Variants in CDC42BPG observed in about 807,000 individuals in gnomAD.
The protein encoded by CDC42BPG is serine/threonine-protein kinase MRCK gamma.
CDC42BPG carries 157 observed loss-of-function variants against 192.2 expected under a neutral mutation model. The ratio of observed to expected loss-of-function variants is 0.82; its 90% CI spans 0.72 to 0.93. The LOEUF (loss-of-function observed/expected upper bound fraction) is 0.93. Ranked by LOEUF, CDC42BPG falls within the 40% of genes least tolerant of loss-of-function variation. The pLI, the probability that CDC42BPG is intolerant of heterozygous loss-of-function variation, is 0.00. For synonymous variants in CDC42BPG, 981 were observed against 918.5 expected (o/e 1.07, Z -1.23); for missense variants, 1,992 against 2,122.1 (o/e 0.94, Z 1.20).
chr11:64,825,608 G>C (rs1316569551), intron 36 of CDC42BPG, among the ~76,000 whole-genome samples: 1 of 152,198 alleles, frequency 6.6e-6, no homozygotes, highest in Non-Finnish European at 1.5e-5. Flanking sequence ...GCTCCAAGTG[G>C]CCTGGTGTGA....
intron 3 of CDC42BPG, 58 bp from the exon 4 acceptor site, chr11:64,840,706 C>T (rs66545225): frequency 6.9e-7 from 1 of 1,438,852 alleles, no homozygotes; most frequent in Non-Finnish European, 9.7e-7. Flanking sequence ...GGATGCCCCC[C>T]TTGCCAGCTC....
Position 64,824,465 on chromosome 11 carries a change from A to G in CDC42BPG, c.*8T>C, listed in dbSNP as rs545867021. On this transcript the variant is annotated 3_prime_UTR_variant, in exon 37 of 37. Transcript: ENST00000342711. The stretch of plus-strand genomic sequence containing the variant: ...CCCTGGGATTGGGGTGGGCCCTAAC[A>G]GAGGGCATCAAGGAGAGCTCTCCAA... 7.0e-6 allele frequency: 11 copies of G among 1,570,368 alleles called. No individual in the cohort carries two copies. The highest frequency in any genetic ancestry group is 6.7e-5 in the Admixed American group (4 of 59,972).
chr11:64,827,226 A>G (rs1279430520), intron 33 of CDC42BPG, 52 bp downstream of exon 33: 12 of 1,613,298 alleles, frequency 7.4e-6, no homozygotes, highest in Non-Finnish European at 1.0e-5. Context: ...CGACCCGTCC[A>G]CAAGCGGAGG....
Position 64,841,866 on chromosome 11 carries a change from GCA to G in CDC42BPG, c.197_198del (p.Leu66ProfsTer4). ...TTCAAGATCTCAAAGTCATCTCTCT[GCA>G]GACGCAGTTCTTTCACCTTTGATAC... ...PFVSKVKELRLQRDDFEILKV... is the reference protein window; with the variant it reads ...PFVSKVKELRXQRDDFEILKV... On this transcript the variant is annotated frameshift_variant, in exon 2 of 37. Coordinates refer to ENST00000342711, the MANE Select transcript of CDC42BPG (RefSeq NM_017525.3). LOFTEE classifies it high-confidence loss of function. 1 of 1,613,812 alleles carries G rather than the reference GCA, an allele frequency of 6.2e-7. No individual in the cohort carries two copies. The highest frequency in any genetic ancestry group is 8.5e-7 in the Non-Finnish European group (1 of 1,179,910).
In CDC42BPG at chr11:64,840,575, G is replaced by A. The variant is rs1389151110; in HGVS notation, c.410C>T (p.Ala137Val). 2 of 1,613,942 alleles carry A rather than the reference G, an allele frequency of 1.2e-6. No homozygotes were observed. The highest frequency in any genetic ancestry group is 1.7e-6 in the Non-Finnish European group (2 of 1,179,984). ...CACCAGGTACTCCTCGTCTTGGAAG[G>A]CATAGTGCAGAGTGGTCACCCAACG... ...DSRWVTTLHYAFQDEEYLYLV... is the reference protein window; with the variant it reads ...DSRWVTTLHYVFQDEEYLYLV... Residue 137 changes from alanine to valine, a missense_variant, in exon 4 of 37, where the codon GCC (alanine) becomes GTC (valine). Transcript: ENST00000342711.
intron 34 of CDC42BPG, 71 bp from the exon 35 acceptor site, chr11:64,826,865 G>C: frequency 6.9e-7 from 1 of 1,438,926 alleles, no homozygotes; most frequent in Non-Finnish European, 9.2e-7. Flanking sequence ...AGGCACAACA[G>C]ACCAGGACAA....
Position 64,841,617 on chromosome 11 carries a change from G to T in CDC42BPG, c.336+33C>A, listed in dbSNP as rs189074360. On this transcript the variant is annotated intron_variant, in intron 3 of 36. Coordinates refer to ENST00000342711, the MANE Select transcript of CDC42BPG (RefSeq NM_017525.3). ...ACACCTCCCCCACACCCATTTGTAG[G>T]GTGCCCAAGGGCCCCCCAGACTCCA... 229 of 1,589,976 alleles carry T rather than the reference G, an allele frequency of 1.4e-4. 1 individual carries two copies. In the East Asian group the frequency reaches 4.8e-3, roughly 34 times the overall value.
chr11:64,833,253 GC>G lies in CDC42BPG; in HGVS notation c.2708del (p.Gly903AlafsTer71). On this transcript the variant is annotated frameshift_variant, in exon 24 of 37. Coordinates refer to ENST00000342711, the MANE Select transcript of CDC42BPG (RefSeq NM_017525.3). LOFTEE classifies it high-confidence loss of function. ...CACCATCACAACCCAGGCCCTGGCG[GC>G]CCAGGCCCAGCATCAGCGAGGTGCA... ...LRCTSLMLGL[G>X]RQGLGCDACG... The G allele has an allele frequency of 1.3e-6, 2 of 1,548,874 alleles. No individual in the cohort carries two copies. Among genetic ancestry groups the G allele is most frequent in the African/African-American group, 2.7e-5 (2 of 73,144 alleles).
chr11:64,837,606 C>T (rs1245041511), intron 9 of CDC42BPG, among the ~76,000 whole-genome samples: 3 of 152,216 alleles, frequency 2.0e-5, no homozygotes, highest in Non-Finnish European at 4.4e-5. Context: ...GGATTACAGG[C>T]GCCCGCCACC....
At chr11:64,831,990 C>T (rs151232447) in intron 27 of CDC42BPG, among the ~76,000 whole-genome samples, 2 of 152,342 alleles carry the variant, frequency 1.3e-5, no homozygotes, top group African/African-American at 4.8e-5. Flanking sequence ...TCTGCTGAAG[C>T]CTGAGGGACG....
At chr11:64,832,990 TG>T (rs1942776002) in intron 24 of CDC42BPG, 31 bp from the exon 25 acceptor site, 2 of 1,504,886 alleles carry the variant, frequency 1.3e-6, no homozygotes, top group Non-Finnish European at 1.8e-6. Flanking sequence ...GTGGATGAGG[TG>T]AGGCTGGGAG....
Position 64,827,727 on chromosome 11 carries a change from C to T in CDC42BPG, c.4024G>A (p.Val1342Met). 1 of 1,613,426 alleles carries T rather than the reference C, an allele frequency of 6.2e-7. No homozygotes were observed. The highest frequency in any genetic ancestry group is 8.5e-7 in the Non-Finnish European group (1 of 1,179,680). ...GTCTGCACCCATTCTGCCCTCCTCA[C>T]GTCAAACACATCGATGGAGTTCTCG... ...FSENSIDVFD[V>M]RRAEWVQTVP... is the part of the protein sequence containing the mutation. The change falls in exon 31 of 37, where the codon GTG (valine) becomes ATG (methionine). Residue 1342 changes from valine (V) to methionine (M), a missense_variant. Around this residue, in one of 2 missense-constraint regions of CDC42BPG, gnomAD observed 1,656 missense variants for 1,844.3 expected, o/e 0.90. Transcript: ENST00000342711.
rs1942490119 is a variant in CDC42BPG at position 64,827,548 on chromosome 11, A to G, written c.4129T>C (p.Tyr1377His). Residue 1377 changes from tyrosine (Y) to histidine (H), a missense_variant, in exon 32 of 37, where the codon TAC (tyrosine) becomes CAC (histidine). Tyr to His is a moderately conservative substitution (Grantham distance 83). Coordinates refer to ENST00000342711, the MANE Select transcript of CDC42BPG (RefSeq NM_017525.3). ...LYGTEKVRLT[Y>H]LRNQLAEKDE... The stretch of plus-strand genomic sequence containing the variant: ...TCACCTGCCAGCTGGTTCCTGAGGT[A>G]GGTCAGGCGGACCTTCTCGGTGCCG... 2.5e-6 allele frequency: 4 copies of G among 1,612,652 alleles called. No homozygotes were observed. Among genetic ancestry groups the G allele is most frequent in the South Asian group, 1.1e-5 (1 of 90,994 alleles).
chr11:64,829,809 G>A lies in CDC42BPG; in HGVS notation c.3629C>T (p.Pro1210Leu), dbSNP rs754105785. Residue 1210 changes from proline (P) to leucine (L), a missense_variant, in exon 30 of 37, where the codon CCG becomes CTG. Physicochemically the swap from Pro to Leu is moderately conservative, Grantham distance 98. Around this residue, in one of 2 missense-constraint regions of CDC42BPG, gnomAD observed 1,656 missense variants for 1,844.3 expected, o/e 0.90. Coordinates refer to ENST00000342711, the MANE Select transcript of CDC42BPG (RefSeq NM_017525.3). ...KRQVLCYQLG[P>L]GPGPWQRRIR... ...GCGGCGCTGCCAGGGCCCAGGGCCC[G>A]GGCCCAGCTGGTAGCAGAGCACCTG... 1.2e-5 allele frequency: 19 copies of A among 1,604,090 alleles called. No homozygotes were observed. The highest frequency in any genetic ancestry group is 2.2e-5 in the East Asian group (1 of 44,758).
chr11:64,831,943 G>A (rs994992198), intron 27 of CDC42BPG, among the ~76,000 whole-genome samples: 11 of 152,376 alleles, frequency 7.2e-5, no homozygotes, highest in South Asian at 2.1e-4. Context: ...AACCGGGGCC[G>A]GGAAGTGAAG....
Position 64,840,649 on chromosome 11 carries a change from C to T in CDC42BPG, c.337-1G>A. 6.2e-7 allele frequency: 1 copy of T among 1,613,748 alleles called. No individual in the cohort carries two copies. Among genetic ancestry groups the T allele is most frequent in the African/African-American group, 1.3e-5 (1 of 75,066 alleles). ...CCCGCTCCTCCCGGAAACAGGCTGT[C>T]TGCAGCAGGTTTGGGGAAGTAAGGG... On this transcript the variant is annotated splice_acceptor_variant, in intron 3 of 36. Transcript: ENST00000342711. LOFTEE classifies it high-confidence loss of function.
chr11:64,836,713 G>C lies in CDC42BPG; in HGVS notation c.1384+26C>G, dbSNP rs71539675. 510 of 856,044 alleles carry C rather than the reference G, an allele frequency of 6.0e-4. 56 individuals carry two copies. Among genetic ancestry groups the C allele is most frequent in the South Asian group, 5.5e-3 (319 of 58,010 alleles). The allele number at this position is 856,044 out of a possible 1,614,324, so 53.0% of individuals were successfully genotyped here. ...CCAGGTGGGACTCAGCCCTGGGGGG[G>C]GGGGGGGGGTGGGCGGAAGGGATAC... On this transcript the variant is annotated intron_variant, in intron 11 of 36. Coordinates refer to ENST00000342711, the MANE Select transcript of CDC42BPG (RefSeq NM_017525.3).
At chr11:64,825,999 T>C (rs1356635197) in intron 36 of CDC42BPG, among the ~76,000 whole-genome samples, 1 of 125,098 alleles carries the variant, frequency 8.0e-6, no homozygotes, top group East Asian at 2.3e-4. Flanking sequence ...ATGTGGGAGG[T>C]GGGGGTTGCA....
Position 64,840,085 on chromosome 11 carries a change from CGGGGTTGGGCAGGGCAGCGGGGTT to C in CDC42BPG, c.581+11_581+34del. Reference sequence around the variant, plus strand: ...AGCTGGCAGGGGTTGGGCAGGGCAGCGGGGTTGGGCAGGGCAGCGGGGTTGGGGCCCCACCTGTGGACATAACCC... The same window carrying C: ...AGCTGGCAGGGGTTGGGCAGGGCAGCGGGGCCCCACCTGTGGACATAACCC... On this transcript the variant is annotated intron_variant, in intron 5 of 36. Transcript: ENST00000342711. 1 of 1,588,848 alleles carries C rather than the reference CGGGGTTGGGCAGGGCAGCGGGGTT, an allele frequency of 6.3e-7. No individual in the cohort carries two copies. Among genetic ancestry groups the C allele is most frequent in the Non-Finnish European group, 8.6e-7 (1 of 1,166,064 alleles).
Sources: gnomAD v4.1 joint callset for allele counts (sites outside exome capture counted in the v4.1 genomes callset) on GRCh38, gnomAD v4.1.1 for gene constraint, gnomAD v4.1.1 regional missense constraint, MANE v1.5 for transcripts, NCBI Gene and HGNC (gene_info 2026-07-23, HGNC 2026-07-21) for gene names.